NBPF9: variants seen among roughly 807,000 people sequenced by gnomAD.
The protein encoded by NBPF9 is NBPF member 9.
A neutral mutation model predicts 97.8 loss-of-function variants in NBPF9; 91 were observed. The ratio of observed to expected loss-of-function variants is 0.93; its 90% CI spans 0.79 to 1.11. The LOEUF is 1.11. Among genes scored for constraint, NBPF9 ranks in the 50% least tolerant of loss-of-function variants. The pLI is 0.00. For missense variants in NBPF9, 992 were observed against 939.5 expected (o/e 1.06, Z -0.73); for synonymous variants, 334 against 359.5 (o/e 0.93, Z 0.80).
chr1:149,089,247 C>T (rs1257547208), intron 5 of NBPF9, among the ~76,000 whole-genome samples: 3 of 152,200 alleles, frequency 2.0e-5, no homozygotes, highest in Non-Finnish European at 4.4e-5. Flanking sequence ...TTTCTTAATG[C>T]CTTGGTGAGG....
chr1:149,098,153 C>A (rs1263888438), intron 4 of NBPF9, among the ~76,000 whole-genome samples: 1 of 151,622 alleles, frequency 6.6e-6, no homozygotes, highest in Non-Finnish European at 1.5e-5. Flanking sequence ...AGGGGAAGAG[C>A]AAGGAGTGGG....
intron 26 of NBPF9, among the ~76,000 whole-genome samples, 158 bp from the exon 27 acceptor site, chr1:149,058,373 T>C (rs1181417388): frequency 3.6e-5 from 3 of 84,010 alleles, no homozygotes; most frequent in Admixed American, 1.2e-4. Flanking sequence ...CTGGTCATGA[T>C]ATTCTTTGGT....
intron 18 of NBPF9, chr1:149,064,817 C>G (rs2078925590): frequency 3.6e-6 from 2 of 561,158 alleles, no homozygotes; most frequent in Non-Finnish European, 6.3e-6. Context: ...CAATATTAAG[C>G]TTTCTCTCAT....
intron 11 of NBPF9, among the ~76,000 whole-genome samples, chr1:149,076,616 C>T (rs1165836639): frequency 1.3e-5 from 2 of 150,272 alleles, no homozygotes; most frequent in East Asian, 1.9e-4. Flanking sequence ...CATTCTCCTG[C>T]CTCAGCCTCC....
Position 149,058,922 on chromosome 1 carries a change from C to T in NBPF9, c.2758+3G>A. ...CTTATCACCTTCATAGTAAGGTACT[C>T]ACTGTCCACGTCAAGAGCCAAGCCA... On this transcript the variant is annotated splice_donor_region_variant and intron_variant, in intron 26 of 29. Transcript: ENST00000584027. 1 of 517,658 alleles carries T rather than the reference C, an allele frequency of 1.9e-6. No individual in the cohort carries two copies. The highest frequency in any genetic ancestry group is 3.4e-6 in the Non-Finnish European group (1 of 290,210). The allele number at this position is 517,658 out of a possible 1,614,324, so 32.1% of individuals were successfully genotyped here.
chr1:149,085,253 TA>T (rs879059208), intron 5 of NBPF9, among the ~76,000 whole-genome samples: 15,710 of 151,328 alleles, frequency 0.1, 1,510 homozygotes, highest in East Asian at 0.48. Flanking sequence ...AAGATTCTAC[TA>T]AAAAAAAATC....
At chr1:149,054,211 T>A (rs1366150479) in exon 30 of NBPF9, 1 of 130,846 alleles carries the variant, frequency 7.6e-6, no homozygotes. Context: ...GCAGAGAATG[T>A]TTTCTTCTTT....
intron 3 of NBPF9, among the ~76,000 whole-genome samples, chr1:149,100,098 A>G (rs79821198): frequency 7.0e-6 from 1 of 142,468 alleles, no homozygotes; most frequent in Non-Finnish European, 1.5e-5. Context: ...GGTACGATCC[A>G]TAAAGTTTTC....
Position 149,055,633 on chromosome 1 carries a change from T to C in NBPF9, c.*23A>G, listed in dbSNP as rs76022554. 254 of 1,611,462 alleles carry C rather than the reference T, an allele frequency of 1.6e-4. 3 individuals are homozygous for C. The South Asian group carries it at 2.5e-3, about 16-fold the overall frequency. ...ATAGGTCCTGCCTGCAGGAATGACA[T>C]CTCTCGGCTTAGTAAGGGCTGCTTA... On this transcript the variant is annotated 3_prime_UTR_variant, in exon 30 of 30. Coordinates refer to ENST00000584027, the Ensembl canonical transcript of NBPF9.
intron 17 of NBPF9, 188 bp from the exon 18 acceptor site, chr1:149,065,877 C>G (rs1328407826): frequency 9.4e-6 from 7 of 746,574 alleles, no homozygotes; most frequent in South Asian, 1.9e-5. Context: ...GGGGACAGAG[C>G]AAAAATGGGC....
chr1:149,082,924 C>T (rs1452388016), intron 5 of NBPF9, among the ~76,000 whole-genome samples: 10 of 145,888 alleles, frequency 6.9e-5, no homozygotes, highest in East Asian at 2.0e-4. Flanking sequence ...GGAATACAGG[C>T]GCCCGCCACC....
rs182216613 is a variant in NBPF9, at chr1:149,072,965, G to A, written c.1092-33C>T. ...GAGATGGTAGAGAAAAATTAAGAGT[G>A]GAAAGGGTTGAGTGATCCGCTCAAA... On this transcript the variant is annotated intron_variant, in intron 13 of 29. Transcript: ENST00000584027. 1.2e-4 allele frequency: 196 copies of A among 1,599,536 alleles called. 6 individuals carry two copies. The highest frequency in any genetic ancestry group is 2.3e-4 in the Middle Eastern group (1 of 4,374).
At chr1:149,054,771 C>T (rs1212763113) in exon 30 of NBPF9, 6 of 151,880 alleles carry the variant, frequency 4.0e-5, no homozygotes, top group African/African-American at 1.5e-4. Flanking sequence ...TTTTTTTGAA[C>T]CCAAAATATC....
chr1:149,064,311 G>T (rs2078874867), intron 19 of NBPF9, 120 bp downstream of exon 19: 1 of 768,396 alleles, frequency 1.3e-6, no homozygotes, highest in Non-Finnish European at 2.1e-6. Context: ...AATGTAGTAG[G>T]CATAATTCAT....
exon 7 of NBPF9, chr1:149,082,034 C>G (rs782356703): frequency 1.2e-6 from 2 of 1,609,490 alleles, no homozygotes; most frequent in African/African-American, 1.4e-5. Context: ...TTGAGGTTTC[C>G]GAACTGCTGT....
intron 5 of NBPF9, among the ~76,000 whole-genome samples, chr1:149,084,235 G>A (rs1212527727): frequency 7.1e-6 from 1 of 140,840 alleles, no homozygotes; most frequent in Non-Finnish European, 1.5e-5. Flanking sequence ...AACCAACATG[G>A]CACACGTATA....
rs587744638 is a variant in NBPF9 at position 149,055,503 on chromosome 1, G to T, written c.*153C>A. On this transcript the variant is annotated 3_prime_UTR_variant, in exon 30 of 30. Transcript: ENST00000584027. ...ATTGTCTTCAGACTGAGCACAGGTT[G>T]CCACTGGCATGGTTTGAGAATAGGA... is the stretch of plus-strand genomic sequence containing the variant. The T allele has an allele frequency of 6.7e-5, 101 of 1,518,538 alleles. No individual in the cohort carries two copies. In the South Asian group the frequency reaches 8.4e-4, roughly 13 times the overall value. The allele number at this position is 1,518,538 out of a possible 1,614,324, so 94.1% of individuals were successfully genotyped here.
rs1480301821 is a variant in NBPF9 at position 149,055,422 on chromosome 1, T to A, written c.*234A>T. 1.0e-5 allele frequency: 7 copies of A among 691,364 alleles called. No homozygotes were observed. The African/African-American group carries it at 1.3e-4, about 12-fold the overall frequency. 42.8% of individuals were successfully genotyped at this position (691,364 alleles called of 1,614,324 possible). ...GGTTCAAATTAAAATGTCTGACTGA[T>A]CACTCCCGGCATGTGCTGCACAGTT... is the stretch of plus-strand genomic sequence containing the variant. On this transcript the variant is annotated 3_prime_UTR_variant, in exon 30 of 30. Coordinates refer to ENST00000584027, the Ensembl canonical transcript of NBPF9.
chr1:149,055,580 G>A (rs201650621), exon 30 of NBPF9: 10 of 1,539,594 alleles, frequency 6.5e-6, no homozygotes, highest in Non-Finnish European at 7.1e-6. Context: ...AAATGGAACT[G>A]TACTTTCATT....
Sources: allele counts gnomAD v4.1 joint callset (sites outside exome capture counted in the v4.1 genomes callset), GRCh38; gene constraint gnomAD v4.1.1; transcripts MANE v1.5; gene names NCBI Gene and HGNC (gene_info 2026-07-23, HGNC 2026-07-21).